USH2A: variants seen among roughly 807,000 people sequenced by gnomAD.
The protein encoded by USH2A is Usher syndrome 2A (autosomal recessive, mild).
A neutral mutation model predicts 538.9 loss-of-function variants in USH2A; 443 were observed. That is an observed-to-expected ratio of 0.82 (90% CI 0.76 to 0.89). USH2A has a LOEUF of 0.89. Ranked by LOEUF, USH2A falls within the 40% of genes least tolerant of loss-of-function variation. The pLI is 0.00. For synonymous variants in USH2A, 2,413 were observed against 2,273.5 expected (o/e 1.06, Z -1.75); for missense variants, 6,633 against 6,324.8 (o/e 1.05, Z -1.65).
chr1:216,035,243 A>C (rs534041620), intron 32 of USH2A, among the ~76,000 whole-genome samples: 1 of 152,184 alleles, frequency 6.6e-6, no homozygotes, highest in Non-Finnish European at 1.5e-5. Flanking sequence ...AGTTGTAATT[A>C]GCTCAGATGA....
rs545102347 is a variant in USH2A at position 215,873,648 on chromosome 1, G to A, written c.8681+4110C>T. Among the ~76,000 whole-genome samples the A allele has an allele frequency of 2.0e-5, 3 of 152,040 alleles. No homozygotes were observed. In the East Asian group the frequency reaches 5.8e-4, roughly 29 times the overall value. ...AATAAGATTTAAACTTAGAATTTAT[G>A]ATATATTTAGCTTAAGCATTTACAT... On this transcript the variant is annotated intron_variant, in intron 43 of 71. Transcript: ENST00000307340.
Position 216,211,079 on chromosome 1 carries a change from C to T in USH2A, c.3158-3648G>A, listed in dbSNP as rs952509369. On this transcript the variant is annotated intron_variant, in intron 15 of 71. Transcript: ENST00000307340. ...ACGTGGAAGTTCCTGGAGGGTGTGA[C>T]ACCTAGGGAGGACATGGAAGCTCAG... 4.6e-5 allele frequency among the ~76,000 whole-genome samples: 7 copies of T among 152,232 alleles called. No individual in the cohort carries two copies. The East Asian group carries it at 9.6e-4, about 21-fold the overall frequency.
chr1:215,729,622 A>G (rs991480937), intron 60 of USH2A, among the ~76,000 whole-genome samples: 2 of 150,458 alleles, frequency 1.3e-5, no homozygotes, highest in East Asian at 3.9e-4. Context: ...TTTGTTTTAG[A>G]GTTTTTTTGT....
intron 58 of USH2A, among the ~76,000 whole-genome samples, chr1:215,750,352 T>C (rs978915645): frequency 6.6e-6 from 1 of 152,036 alleles, no homozygotes; most frequent in Non-Finnish European, 1.5e-5. Flanking sequence ...GTAGGGTTCC[T>C]GACAAGAGGG....
At chr1:216,415,030 T>C (rs1355698063) in intron 3 of USH2A, among the ~76,000 whole-genome samples, 1 of 152,116 alleles carries the variant, frequency 6.6e-6, no homozygotes, top group African/African-American at 2.4e-5. Flanking sequence ...CTCTATATTT[T>C]GTCCAGAAAA....
chr1:216,100,540 C>T (rs1256975662), intron 21 of USH2A, among the ~76,000 whole-genome samples: 2 of 152,080 alleles, frequency 1.3e-5, no homozygotes, highest in African/African-American at 2.4e-5. Flanking sequence ...ATAATAAAAC[C>T]TATTCCTATA....
intron 58 of USH2A, among the ~76,000 whole-genome samples, chr1:215,754,786 C>A (rs1660739482): frequency 6.6e-6 from 1 of 152,178 alleles, no homozygotes; most frequent in African/African-American, 2.4e-5. Context: ...TCAAGAGAAA[C>A]TGGCGGACTC....
chr1:215,637,227 G>A (rs549087250), intron 69 of USH2A, among the ~76,000 whole-genome samples: 5 of 152,148 alleles, frequency 3.3e-5, no homozygotes, highest in Admixed American at 1.3e-4. Context: ...CTTAGAAGGC[G>A]AGCAACCTTG....
chr1:216,000,363 G>T, intron 33 of USH2A, 40 bp downstream of exon 33: 2 of 1,612,190 alleles, frequency 1.2e-6, no homozygotes, highest in Non-Finnish European at 1.7e-6. Flanking sequence ...TGAGATTCTT[G>T]CATGAACCAG....
In USH2A at chr1:215,689,352, T is replaced by C. The variant is rs536367392; in HGVS notation, c.12067-8976A>G. On this transcript the variant is annotated intron_variant, in intron 61 of 71. Coordinates refer to ENST00000307340, the MANE Select transcript of USH2A (RefSeq NM_206933.4). ...ACATCTGAAACTTAACAAGTCTCCATATGATCTCTTGATTTTCCCTTTTTT... is the reference window on the plus strand; with the variant it reads ...ACATCTGAAACTTAACAAGTCTCCACATGATCTCTTGATTTTCCCTTTTTT... Among the ~76,000 whole-genome samples the C allele has an allele frequency of 3.3e-4, 50 of 152,332 alleles. 1 individual carries two copies. Among genetic ancestry groups the C allele is most frequent in the Admixed American group, 1.6e-3 (25 of 15,298 alleles).
intron 64 of USH2A, among the ~76,000 whole-genome samples, chr1:215,662,401 C>T (rs1311989018): frequency 6.6e-6 from 1 of 152,144 alleles, no homozygotes; most frequent in African/African-American, 2.4e-5. Flanking sequence ...AGAACCAACC[C>T]ATCTTCACAT....
At chr1:216,244,064 A>G (rs989101527) in intron 13 of USH2A, among the ~76,000 whole-genome samples, 1 of 78,642 alleles carries the variant, frequency 1.3e-5, no homozygotes, top group African/African-American at 5.2e-5. Flanking sequence ...TAAAACACTG[A>G]TGCTCATGTC....
At chr1:215,680,508 T>G in intron 61 of USH2A, 132 bp from the exon 62 acceptor site, 1 of 806,846 alleles carries the variant, frequency 1.2e-6, no homozygotes, top group Non-Finnish European at 2.1e-6. Context: ...AGCAGAGTTT[T>G]GAATTATCAT....
At chr1:216,244,596 C>T (rs2036000507) in intron 13 of USH2A, among the ~76,000 whole-genome samples, 1 of 152,096 alleles carries the variant, frequency 6.6e-6, no homozygotes, top group African/African-American at 2.4e-5. Flanking sequence ...ATTTCTTCAT[C>T]CTAGGAAGGG....
intron 58 of USH2A, among the ~76,000 whole-genome samples, chr1:215,748,513 C>A (rs973424932): frequency 6.6e-6 from 1 of 152,178 alleles, no homozygotes; most frequent in Non-Finnish European, 1.5e-5. Context: ...AAACTGCAAG[C>A]TAATGATGAT....
At chr1:216,195,699 AG>A (rs2034826048) in intron 19 of USH2A, 1 of 160,208 alleles carries the variant, frequency 6.2e-6, no homozygotes, top group African/African-American at 2.4e-5. Context: ...CTATGGGAGT[AG>A]GTATAAAGTG....
chr1:215,690,773 G>A (rs574577706), intron 61 of USH2A, among the ~76,000 whole-genome samples: 1 of 151,842 alleles, frequency 6.6e-6, no homozygotes, highest in South Asian at 2.1e-4. Context: ...AAATAGGACT[G>A]GATTTATTTA....
At chr1:216,371,806 C>T (rs1159826202) in intron 3 of USH2A, among the ~76,000 whole-genome samples, 2 of 152,014 alleles carry the variant, frequency 1.3e-5, no homozygotes, top group Non-Finnish European at 2.9e-5. Flanking sequence ...ATTGATACCC[C>T]GAAAATGAAA....
Position 215,708,517 on chromosome 1 carries a change from T to C in USH2A, c.12066+19513A>G, listed in dbSNP as rs751169773. 1.4e-4 allele frequency among the ~76,000 whole-genome samples: 22 copies of C among 152,332 alleles called. No individual in the cohort carries two copies. In the South Asian group the frequency reaches 1.7e-3, roughly 11 times the overall value. ...TTTTGGGCACCAGGGATCCGTTTCATGGAAGACAATTTTTCCATGGAAGGG... is the reference window on the plus strand; with the variant it reads ...TTTTGGGCACCAGGGATCCGTTTCACGGAAGACAATTTTTCCATGGAAGGG... On this transcript the variant is annotated intron_variant, in intron 61 of 71. Coordinates refer to ENST00000307340, the MANE Select transcript of USH2A (RefSeq NM_206933.4).
Sources: allele counts gnomAD v4.1 joint callset (sites outside exome capture counted in the v4.1 genomes callset), GRCh38; gene constraint gnomAD v4.1.1; transcripts MANE v1.5; gene names NCBI Gene and HGNC (gene_info 2026-07-23, HGNC 2026-07-21).